The following NRG1 variants were observed in gnomAD, a reference collection of about 807,000 sequenced individuals.
NRG1 encodes the protein neuregulin 1.
In NRG1, 18 loss-of-function variants were observed where a neutral mutation model predicts 63.8. The observed-to-expected ratio is 0.28, with a 90% CI of 0.19 to 0.42. The LOEUF is 0.42. Among genes scored for constraint, NRG1 ranks in the 10% least tolerant of loss-of-function variants. The pLI, the probability that NRG1 is intolerant of heterozygous loss-of-function variation, is 1.00. For synonymous variants in NRG1, 302 were observed against 301.3 expected, an observed-to-expected ratio of 1.00 and a Z score of -0.02; for missense variants, 762 against 814.7, an observed-to-expected ratio of 0.94 and a Z score of 0.79.
chr8:31,794,151 A>G (rs911762483), intron 1 of NRG1, among the ~76,000 whole-genome samples: 3 of 152,242 alleles, frequency 2.0e-5, no homozygotes, highest in Non-Finnish European at 4.4e-5. Context: ...ACTTTCTCTC[A>G]GAGGTATTTT....
At chr8:31,805,687 G>A (rs1033055824) in intron 1 of NRG1, among the ~76,000 whole-genome samples, 2 of 151,894 alleles carry the variant, frequency 1.3e-5, no homozygotes, top group Admixed American at 1.3e-4. Context: ...AGTTAGCCAG[G>A]TGTGGTGGCG....
intron 1 of NRG1, among the ~76,000 whole-genome samples, chr8:31,864,144 C>T (rs927409016): frequency 6.6e-6 from 1 of 152,124 alleles, no homozygotes; most frequent in Non-Finnish European, 1.5e-5. Context: ...AGCTGAGGAC[C>T]ATAGTGTATT....
At chr8:32,623,095 A>C (rs903472081) in intron 5 of NRG1, among the ~76,000 whole-genome samples, 1 of 152,228 alleles carries the variant, frequency 6.6e-6, no homozygotes, top group Non-Finnish European at 1.5e-5. Context: ...TGAACAATTC[A>C]GTTTTTAATT....
intron 1 of NRG1, among the ~76,000 whole-genome samples, chr8:31,998,147 C>T (rs1408393820): frequency 6.6e-6 from 1 of 151,936 alleles, no homozygotes; most frequent in Non-Finnish European, 1.5e-5. Context: ...AAGGATGGCT[C>T]CCCATTGGGT....
intron 1 of NRG1, among the ~76,000 whole-genome samples, chr8:32,123,789 T>C (rs1362159836): frequency 1.3e-5 from 2 of 151,728 alleles, no homozygotes; most frequent in African/African-American, 4.8e-5. Context: ...TCTTTGCTAG[T>C]ATGCTACTAG....
At chr8:32,411,329 T>C (rs983899849) in intron 1 of NRG1, among the ~76,000 whole-genome samples, 9 of 152,208 alleles carry the variant, frequency 5.9e-5, no homozygotes, top group African/African-American at 2.2e-4. Context: ...CTTAACGGTG[T>C]GGGACACAAA....
At chr8:32,764,286 C>T (rs201432506) in exon 12 of NRG1, 8 of 1,613,984 alleles carry the variant, frequency 5.0e-6, no homozygotes, top group African/African-American at 1.3e-5. Flanking sequence ...TGAGGCAACA[C>T]CTGCCTTCCG....
At chr8:32,153,190 G>GC (rs1429390044) in intron 1 of NRG1, among the ~76,000 whole-genome samples, 1 of 152,132 alleles carries the variant, frequency 6.6e-6, no homozygotes, top group African/African-American at 2.4e-5. Flanking sequence ...GAAGCAGAAG[G>GC]CCGGTGGGAG....
At chr8:32,292,664 G>T (rs1233839590) in intron 1 of NRG1, among the ~76,000 whole-genome samples, 1 of 152,162 alleles carries the variant, frequency 6.6e-6, no homozygotes, top group Non-Finnish European at 1.5e-5. Context: ...TAAACTAAAT[G>T]GTTAACTAAT....
At chr8:32,402,383 G>GT (rs1251907191) in intron 1 of NRG1, among the ~76,000 whole-genome samples, 1 of 151,780 alleles carries the variant, frequency 6.6e-6, no homozygotes, top group African/African-American at 2.4e-5. Context: ...GATTTCTTTG[G>GT]TTTCATTTAT....
At chr8:32,450,044 T>G (rs1309143570) in intron 1 of NRG1, among the ~76,000 whole-genome samples, 1 of 152,116 alleles carries the variant, frequency 6.6e-6, no homozygotes, top group Non-Finnish European at 1.5e-5. Flanking sequence ...GAATTTTAGA[T>G]ATGATAATAT....
At chr8:31,961,396 CA>C (rs1240699371) in intron 1 of NRG1, among the ~76,000 whole-genome samples, 1 of 152,114 alleles carries the variant, frequency 6.6e-6, no homozygotes, top group East Asian at 1.9e-4. Flanking sequence ...CAAGTGAATA[CA>C]ACATCTCACT....
intron 1 of NRG1, among the ~76,000 whole-genome samples, chr8:31,660,989 A>C (rs990910609): frequency 7.2e-5 from 11 of 152,126 alleles, no homozygotes; most frequent in African/African-American, 2.7e-4. Context: ...TTTTTCTGAC[A>C]TGTTATTGCT....
intron 1 of NRG1, among the ~76,000 whole-genome samples, chr8:32,561,484 A>G (rs1343191733): frequency 2.0e-5 from 3 of 152,200 alleles, no homozygotes; most frequent in Non-Finnish European, 4.4e-5. Context: ...TGTGAATGTG[A>G]ATTAGTATAG....
intron 1 of NRG1, among the ~76,000 whole-genome samples, chr8:31,694,751 A>C (rs1809885582): frequency 6.6e-6 from 1 of 152,208 alleles, no homozygotes; most frequent in Admixed American, 6.5e-5. Context: ...TTCTCTTCTG[A>C]AAGTTACTTG....
chr8:32,171,807 C>T (rs1840083343), intron 1 of NRG1, among the ~76,000 whole-genome samples: 1 of 152,092 alleles, frequency 6.6e-6, no homozygotes, highest in South Asian at 2.1e-4. Context: ...GGAGGGACGC[C>T]CGCCATTGCC....
chr8:32,081,359 C>T (rs376339872), intron 1 of NRG1, among the ~76,000 whole-genome samples: 39 of 152,192 alleles, frequency 2.6e-4, no homozygotes, highest in African/African-American at 9.2e-4. Context: ...TGTTTCCATT[C>T]CTATTGGCAG....
At chr8:32,050,064 CTGAGA>C (rs1291607302) in intron 1 of NRG1, among the ~76,000 whole-genome samples, 1 of 152,036 alleles carries the variant, frequency 6.6e-6, no homozygotes, top group African/African-American at 2.4e-5. Context: ...ATCCTGAAAG[CTGAGA>C]TAATATCTGT....
At chr8:32,184,600 GA>G (rs545238367) in intron 1 of NRG1, among the ~76,000 whole-genome samples, 73 of 145,978 alleles carry the variant, frequency 5.0e-4, no homozygotes, top group South Asian at 4.1e-3. Flanking sequence ...TTAGTTTTGT[GA>G]AAAAAAAAAT....
Sources: allele counts gnomAD v4.1 joint callset (sites outside exome capture counted in the v4.1 genomes callset), GRCh38; gene constraint gnomAD v4.1.1; transcripts MANE v1.5; gene names NCBI Gene and HGNC (gene_info 2026-07-23, HGNC 2026-07-21).